TRPM3: variants seen among roughly 807,000 people sequenced by gnomAD.
The protein encoded by TRPM3 is transient receptor potential cation channel subfamily M member 3, also known as long transient receptor potential channel 3.
A neutral mutation model predicts 181.2 loss-of-function variants in TRPM3; 77 were observed. The ratio of observed to expected loss-of-function variants is 0.42; its 90% CI spans 0.35 to 0.51. TRPM3 has a LOEUF of 0.51. TRPM3 is among the 20% of genes least tolerant of loss of function. The pLI, the probability that TRPM3 is intolerant of heterozygous loss-of-function variation, is 0.01. For synonymous variants in TRPM3, 745 were observed against 796.4 expected (o/e 0.94, Z 1.09); for missense variants, 1,759 against 2,196.7 (o/e 0.80, Z 3.98).
chr9:70,972,148 G>A (rs764797518), intron 1 of TRPM3, among the ~76,000 whole-genome samples: 5 of 152,006 alleles, frequency 3.3e-5, no homozygotes, highest in Non-Finnish European at 7.4e-5. Flanking sequence ...ATTCATAGCC[G>A]CATCATTCAT....
At chr9:71,289,158 T>TGAGAGA (rs369616489) in intron 1 of TRPM3, among the ~76,000 whole-genome samples, 16 of 145,826 alleles carry the variant, frequency 1.1e-4, no homozygotes, top group South Asian at 6.7e-4. Context: ...AACAAAACAG[T>TGAGAGA]GAGAGAGAGA....
rs542357135 is a variant in TRPM3 at position 71,358,186 on chromosome 9, G to C, written c.183+88467C>G. 2.0e-5 allele frequency among the ~76,000 whole-genome samples: 3 copies of C among 152,252 alleles called. No individual in the cohort carries two copies. The South Asian group carries it at 6.2e-4, about 32-fold the overall frequency. On this transcript the variant is annotated intron_variant, in intron 1 of 24. Transcript: ENST00000357533. Reference sequence around the variant, plus strand: ...TTTGGCAAAATAGTCTGAAAGCTCAGTAACAGGATATCAACTTATTTTGCT... The same window carrying C: ...TTTGGCAAAATAGTCTGAAAGCTCACTAACAGGATATCAACTTATTTTGCT...
chr9:70,776,055 C>T (rs1212263879), intron 7 of TRPM3: 4 of 171,520 alleles, frequency 2.3e-5, no homozygotes, highest in Admixed American at 6.3e-5. Flanking sequence ...CTCCTCAACT[C>T]GTTCCTCCTG....
At chr9:71,092,845 T>C (rs1332222111) in intron 1 of TRPM3, among the ~76,000 whole-genome samples, 2 of 152,102 alleles carry the variant, frequency 1.3e-5, no homozygotes, top group Admixed American at 1.3e-4. Context: ...AACTTCAAAT[T>C]ACACTAAAAA....
intron 1 of TRPM3, among the ~76,000 whole-genome samples, chr9:71,182,508 G>A (rs2077460521): frequency 6.6e-6 from 1 of 151,950 alleles, no homozygotes. Flanking sequence ...AGAAGAAAAT[G>A]GCTCTAAACT....
chr9:71,295,594 C>T (rs181256665), intron 1 of TRPM3, among the ~76,000 whole-genome samples: 2 of 151,672 alleles, frequency 1.3e-5, no homozygotes, highest in East Asian at 3.9e-4. Context: ...CTTTGGGAGG[C>T]TGAGGCAGGA....
intron 8 of TRPM3, among the ~76,000 whole-genome samples, chr9:70,748,861 A>G (rs1364790772): frequency 2.0e-5 from 3 of 152,030 alleles, no homozygotes; most frequent in African/African-American, 7.2e-5. Flanking sequence ...TTGACTGACG[A>G]GGGTTAAGAA....
At chr9:71,335,656 T>A (rs1013665022) in intron 1 of TRPM3, among the ~76,000 whole-genome samples, 2 of 152,162 alleles carry the variant, frequency 1.3e-5, no homozygotes, top group African/African-American at 2.4e-5. Context: ...CTGAGTTATT[T>A]AAAAGAATAC....
chr9:71,006,084 T>C (rs1035943885), intron 1 of TRPM3, among the ~76,000 whole-genome samples: 3 of 152,186 alleles, frequency 2.0e-5, no homozygotes, highest in Admixed American at 6.5e-5. Context: ...ACTTCTTTTG[T>C]GACCAAAGTT....
intron 1 of TRPM3, among the ~76,000 whole-genome samples, chr9:70,901,283 GGCCTT>G (rs879874873): frequency 2.6e-4 from 40 of 152,262 alleles, no homozygotes; most frequent in African/African-American, 8.2e-4. Context: ...GTAGATTAAT[GGCCTT>G]TTAAGCATTA....
rs530505822 is a variant in TRPM3, at chr9:70,873,145, T to C, written c.178-8634A>G. 6.0e-4 allele frequency among the ~76,000 whole-genome samples: 91 copies of C among 152,100 alleles called. 1 individual carries two copies. The highest frequency in any genetic ancestry group is 2.2e-3 in the African/African-American group (90 of 41,536). The stretch of plus-strand genomic sequence containing the variant: ...GAAAATCACGATGATGTCACAAAAG[T>C]GACCCAAGTTTGAGAAACACAGGAC... On this transcript the variant is annotated intron_variant, in intron 1 of 25. Transcript: ENST00000677713.
rs888075560 is a variant in TRPM3, at chr9:71,149,595, T to A, written c.184-285084A>T. On this transcript the variant is annotated intron_variant, in intron 1 of 24. Coordinates refer to the TRPM3 transcript ENST00000357533. ...ATGTGAGTTAAACAGGTAATAAAGA[T>A]AAATAATGAAAATCCACTTGGAAAT... 3.2e-4 allele frequency among the ~76,000 whole-genome samples: 48 copies of A among 152,024 alleles called. 2 individuals carry two copies. Among genetic ancestry groups the A allele is most frequent in the Admixed American group, 3.0e-3 (45 of 15,244 alleles).
chr9:71,138,154 G>C (rs1313435867), intron 1 of TRPM3, among the ~76,000 whole-genome samples: 1 of 152,034 alleles, frequency 6.6e-6, no homozygotes, highest in African/African-American at 2.4e-5. Context: ...TGCTGCCTTG[G>C]GGGAGAGGAA....
chr9:70,700,617 G>A (rs946554239), intron 8 of TRPM3, among the ~76,000 whole-genome samples: 3 of 152,186 alleles, frequency 2.0e-5, no homozygotes, highest in Non-Finnish European at 4.4e-5. Flanking sequence ...AAACGGATTT[G>A]GCAAAACTTA....
intron 1 of TRPM3, among the ~76,000 whole-genome samples, chr9:70,921,676 A>G (rs979427841): frequency 7.9e-5 from 12 of 152,256 alleles, no homozygotes; most frequent in Middle Eastern, 3.4e-3. Context: ...CTTCTAACAC[A>G]AAGACCCATT....
At chr9:71,406,449 A>T (rs1431458819) in intron 1 of TRPM3, among the ~76,000 whole-genome samples, 1 of 152,196 alleles carries the variant, frequency 6.6e-6, no homozygotes, top group African/African-American at 2.4e-5. Context: ...AGTGTTGCCA[A>T]TCTCAGTATT....
intron 1 of TRPM3, among the ~76,000 whole-genome samples, chr9:71,180,207 A>G (rs1251467409): frequency 6.6e-6 from 1 of 152,030 alleles, no homozygotes; most frequent in Admixed American, 6.6e-5. Context: ...GATGTGCATC[A>G]GCACACCCAG....
intron 2 of TRPM3, 151 bp from the exon 3 acceptor site, chr9:70,863,263 G>T: frequency 3.2e-6 from 2 of 624,488 alleles, no homozygotes; most frequent in Non-Finnish European, 5.5e-6. Context: ...ATCAGGTATT[G>T]GTAAACTCAG....
chr9:71,101,327 T>C (rs1241275543), intron 1 of TRPM3, among the ~76,000 whole-genome samples: 2 of 152,138 alleles, frequency 1.3e-5, no homozygotes, highest in African/African-American at 4.8e-5. Flanking sequence ...ATCAAACAAA[T>C]CACTCAACCC....
Sources: gnomAD v4.1 joint callset for allele counts (sites outside exome capture counted in the v4.1 genomes callset) on GRCh38, gnomAD v4.1.1 for gene constraint, MANE v1.5 for transcripts, NCBI Gene and HGNC (gene_info 2026-07-23, HGNC 2026-07-21) for gene names.